Variants in IFT81 observed in about 807,000 individuals in gnomAD.
IFT81 encodes intraflagellar transport 81.
A neutral mutation model predicts 102.6 loss-of-function variants in IFT81; 72 were observed. The observed-to-expected ratio is 0.70, with a 90% CI of 0.58 to 0.85. IFT81 has a LOEUF of 0.85. IFT81 is among the 40% of genes least tolerant of loss of function. The probability of loss-of-function intolerance (pLI) is 0.00; values close to 1 mark genes in which losing one functional copy is unlikely to be tolerated. For synonymous variants in IFT81, 237 were observed against 242.7 expected (o/e 0.98, Z 0.22); for missense variants, 723 against 787.3 (o/e 0.92, Z 0.98).
intron 14 of IFT81, among the ~76,000 whole-genome samples, chr12:110,200,194 C>T (rs1593366524): frequency 1.3e-5 from 2 of 152,136 alleles, no homozygotes; most frequent in African/African-American, 2.4e-5. Flanking sequence ...TATGAGGATA[C>T]GTTCTAAGAA....
At chr12:110,175,998 T>C (rs1238054260) in intron 11 of IFT81, among the ~76,000 whole-genome samples, 1 of 152,122 alleles carries the variant, frequency 6.6e-6, no homozygotes, top group African/African-American at 2.4e-5. Context: ...ACACCAATCC[T>C]GTGTCCCCAT....
intron 10 of IFT81, among the ~76,000 whole-genome samples, chr12:110,157,062 C>T (rs1222583818): frequency 6.6e-6 from 1 of 150,676 alleles, no homozygotes; most frequent in East Asian, 1.9e-4. Context: ...TTTAAAAGGC[C>T]TTAGAGGCCA....
At chr12:110,196,283 C>T (rs1347536535) in intron 14 of IFT81, among the ~76,000 whole-genome samples, 4 of 152,100 alleles carry the variant, frequency 2.6e-5, no homozygotes, top group Non-Finnish European at 2.9e-5. Context: ...CTTTGGGAGG[C>T]GAAGGCGGGT....
At chr12:110,170,478 G>A (rs1896679504) in intron 11 of IFT81, among the ~76,000 whole-genome samples, 2 of 152,166 alleles carry the variant, frequency 1.3e-5, no homozygotes, top group African/African-American at 4.8e-5. Context: ...CTTGTAAGTA[G>A]TGCCAGTAGC....
At chr12:110,137,094 T>A (rs575229848) in intron 8 of IFT81, among the ~76,000 whole-genome samples, 1 of 152,310 alleles carries the variant, frequency 6.6e-6, no homozygotes, top group Admixed American at 6.5e-5. Context: ...ATGCCTATAA[T>A]CCCAGCACTT....
chr12:110,136,854 C>T lies in IFT81; in HGVS notation c.775C>T (p.Pro259Ser), dbSNP rs775808291. ...SMRQAAADAK[P>S]ESLMKRLEEE... is the part of the protein sequence containing the mutation. ...GCGCCAAGCTGCAGCAGATGCAAAGCCTGAAAGTAAGTGGAAATTATTATA... is the reference window on the plus strand; with the variant it reads ...GCGCCAAGCTGCAGCAGATGCAAAGTCTGAAAGTAAGTGGAAATTATTATA... The change falls in exon 8 of 19, where the codon CCT becomes TCT. Residue 259 changes from proline to serine, a missense_variant. By Grantham distance (74) the Pro-to-Ser change is moderately conservative. Transcript: ENST00000242591. 6.2e-7 allele frequency: 1 copy of T among 1,602,056 alleles called. No individual in the cohort carries two copies. The highest frequency in any genetic ancestry group is 2.2e-5 in the East Asian group (1 of 44,746).
chr12:110,180,420 A>C lies in IFT81; in HGVS notation c.1189-2A>C, dbSNP rs1365439707. ...AGATTACATATTGTGTTTTTTTTAC[A>C]GTTCAAACGATATGTCAATAAACTT... On this transcript the variant is annotated splice_acceptor_variant, in intron 11 of 18. Coordinates refer to ENST00000242591, the MANE Select transcript of IFT81 (RefSeq NM_014055.4). LOFTEE classifies it high-confidence loss of function. The C allele has an allele frequency of 6.3e-7, 1 of 1,579,188 alleles. No individual in the cohort carries two copies. Among genetic ancestry groups the C allele is most frequent in the Non-Finnish European group, 8.7e-7 (1 of 1,154,890 alleles).
chr12:110,206,727 A>AT (rs929457218), intron 17 of IFT81, among the ~76,000 whole-genome samples: 1 of 151,606 alleles, frequency 6.6e-6, no homozygotes, highest in East Asian at 1.9e-4. Context: ...CAGAATCTGA[A>AT]TTTTTTTTCA....
At chr12:110,200,398 C>A (rs1229316441) in intron 14 of IFT81, among the ~76,000 whole-genome samples, 1 of 152,016 alleles carries the variant, frequency 6.6e-6, no homozygotes, top group African/African-American at 2.4e-5. Flanking sequence ...TGTATCTACA[C>A]CCATCTAAAC....
At chr12:110,128,913 G>A (rs1450885474) in intron 3 of IFT81, 37 bp from the exon 4 acceptor site, 1 of 1,534,936 alleles carries the variant, frequency 6.5e-7, no homozygotes. Flanking sequence ...TTACCGTTAA[G>A]TGCGTGTGTG....
intron 12 of IFT81, among the ~76,000 whole-genome samples, chr12:110,189,929 C>G (rs1897711470): frequency 6.6e-6 from 1 of 152,112 alleles, no homozygotes; most frequent in African/African-American, 2.4e-5. Context: ...TACACAGAAC[C>G]ATTTCTCATT....
chr12:110,168,945 A>G (rs925069493), intron 11 of IFT81: 2 of 152,020 alleles, frequency 1.3e-5, no homozygotes, highest in Non-Finnish European at 2.9e-5. Flanking sequence ...CACCTTGCCT[A>G]AAGTATATGA....
chr12:110,217,952 T>C (rs1353686194), intron 18 of IFT81, 92 bp from the exon 19 acceptor site: 9 of 842,996 alleles, frequency 1.1e-5, no homozygotes, highest in Middle Eastern at 3.5e-4. Flanking sequence ...TTTTATCTAC[T>C]GTAGAAAACA....
chr12:110,171,423 A>G (rs1189806378), intron 11 of IFT81, among the ~76,000 whole-genome samples: 2 of 152,198 alleles, frequency 1.3e-5, no homozygotes, highest in Admixed American at 6.5e-5. Flanking sequence ...TTCCTGTGTC[A>G]CAAATTTCAT....
chr12:110,201,152 C>T (rs1898245329), intron 14 of IFT81, among the ~76,000 whole-genome samples: 1 of 151,858 alleles, frequency 6.6e-6, no homozygotes, highest in Non-Finnish European at 1.5e-5. Context: ...CCTGTAATCC[C>T]AGCACTTTGG....
intron 11 of IFT81, among the ~76,000 whole-genome samples, chr12:110,165,509 G>T (rs554243237): frequency 6.6e-6 from 1 of 152,212 alleles, no homozygotes; most frequent in Non-Finnish European, 1.5e-5. Flanking sequence ...ATAATTAGTG[G>T]CATGGTGTTT....
intron 17 of IFT81, among the ~76,000 whole-genome samples, chr12:110,206,936 A>C (rs1868712064): frequency 6.6e-6 from 1 of 152,184 alleles, no homozygotes; most frequent in South Asian, 2.1e-4. Flanking sequence ...AAATTTTTAT[A>C]AATTAAGTTC....
chr12:110,192,660 T>G lies in IFT81; in HGVS notation c.1511T>G (p.Leu504Arg), dbSNP rs917733452. Reference sequence around the variant, plus strand: ...TTGGTATCTGAAAAGAAGTCAGCTCTTGCCTCAGTTATAAAAGAGCTACGA... The same window carrying G: ...TTGGTATCTGAAAAGAAGTCAGCTCGTGCCTCAGTTATAAAAGAGCTACGA... ...YSLVSEKKSALASVIKELRQL... is the reference protein window; with the variant it reads ...YSLVSEKKSARASVIKELRQL... The change falls in exon 14 of 19, where the codon CTT becomes CGT. Residue 504 changes from leucine to arginine, a missense_variant. Coordinates refer to ENST00000242591, the MANE Select transcript of IFT81 (RefSeq NM_014055.4). The G allele has an allele frequency of 3.1e-6, 5 of 1,592,692 alleles. No homozygotes were observed. Among genetic ancestry groups the G allele is most frequent in the Non-Finnish European group, 3.4e-6 (4 of 1,170,240 alleles).
intron 11 of IFT81, among the ~76,000 whole-genome samples, chr12:110,170,679 C>G (rs1371517089): frequency 6.6e-6 from 1 of 152,146 alleles, no homozygotes; most frequent in Non-Finnish European, 1.5e-5. Flanking sequence ...AGTTAAGGTT[C>G]CACTGGAACT....
Sources: allele counts gnomAD v4.1 joint callset (sites outside exome capture counted in the v4.1 genomes callset), GRCh38; gene constraint gnomAD v4.1.1; transcripts MANE v1.5; gene names NCBI Gene and HGNC (gene_info 2026-07-23, HGNC 2026-07-21).